TRRAP: variants seen among roughly 807,000 people sequenced by gnomAD.
TRRAP encodes transformation/transcription domain associated protein.
In TRRAP, 41 loss-of-function variants were observed where a neutral mutation model predicts 438.8. The ratio of observed to expected loss-of-function variants is 0.09; its 90% confidence interval spans 0.07 to 0.12. The LOEUF (loss-of-function observed/expected upper bound fraction) is 0.12. Among genes scored for constraint, TRRAP ranks in the 10% least tolerant of loss-of-function variants. The pLI is 1.00. For synonymous variants in TRRAP, 1,994 were observed against 1,962.9 expected, an observed-to-expected ratio of 1.02 and a Z score of -0.42; for missense variants, 3,122 against 5,055.1, an observed-to-expected ratio of 0.62 and a Z score of 11.60.
In TRRAP at chr7:98,897,679, T is replaced by TTC. The variant is rs201704577; in HGVS notation, c.508-61_508-60insCT. 7.2e-6 allele frequency: 11 copies of TTC among 1,525,488 alleles called. 1 individual carries two copies. Among genetic ancestry groups the TTC allele is most frequent in the Admixed American group, 2.1e-5 (1 of 46,700 alleles). The allele number at this position is 1,525,488 out of a possible 1,614,324, so 94.5% of individuals were successfully genotyped here. On this transcript the variant is annotated intron_variant, in intron 7 of 72. Coordinates refer to ENST00000456197, the MANE Select transcript of TRRAP (RefSeq NM_001375524.1). ...TCTTTTTGTTTTGTTTTGTTTTGTT[T>TTC]TGTTTTTGAATGAATATTGGGTTTG... is the stretch of plus-strand genomic sequence containing the variant.
intron 6 of TRRAP, among the ~76,000 whole-genome samples, chr7:98,894,579 T>A (rs979477403): frequency 2.6e-5 from 4 of 151,384 alleles, no homozygotes; most frequent in Non-Finnish European, 4.4e-5. Context: ...CAGGATTTTA[T>A]GTCTTGGTGA....
chr7:98,921,652 A>G (rs1789802921), intron 20 of TRRAP, 101 bp from the exon 21 acceptor site: 15 of 1,492,322 alleles, frequency 1.0e-5, no homozygotes, highest in Non-Finnish European at 1.4e-5. Flanking sequence ...CTGGGATTAC[A>G]GGCATGAGCC....
intron 6 of TRRAP, 144 bp from the exon 7 acceptor site, chr7:98,895,620 G>A: frequency 1.9e-6 from 1 of 532,426 alleles, no homozygotes; most frequent in South Asian, 3.7e-5. Flanking sequence ...TACATCCATT[G>A]CCTATTTGTA....
rs1425607887 is a variant in TRRAP at position 98,910,206 on chromosome 7, G to T, written c.1501G>T (p.Ala501Ser). 2.5e-6 allele frequency: 4 copies of T among 1,573,198 alleles called. No individual in the cohort carries two copies. The highest frequency in any genetic ancestry group is 1.4e-5 in the African/African-American group (1 of 72,716). ...AGCTCCTGGCCCTGCTCCCTCCCCA[G>T]CCCCTGTCCCTGCCCCACCTCCACC... Reference protein sequence around the residue: ...PAAPGPAPSPAPVPAPPPPPP... With the variant: ...PAAPGPAPSPSPVPAPPPPPP... Residue 501 changes from alanine to serine, a missense_variant, in exon 15 of 73, where the codon GCC (alanine) becomes TCC (serine). Ala to Ser is a moderately conservative substitution (Grantham distance 99). Around this residue, in one of 24 missense-constraint regions of TRRAP, gnomAD observed 115 missense variants for 124.6 expected, o/e 0.92. Transcript: ENST00000456197.
rs752519925 is a variant in TRRAP at position 98,970,205 on chromosome 7, G to A, written c.7606G>A (p.Asp2536Asn). The A allele has an allele frequency of 1.1e-5, 18 of 1,613,720 alleles. No individual in the cohort carries two copies. Among genetic ancestry groups the A allele is most frequent in the East Asian group, 4.5e-5 (2 of 44,884 alleles). The change falls in exon 52 of 73, where the codon GAT becomes AAT. Residue 2536 changes from aspartate (D) to asparagine (N), a missense_variant. Coordinates refer to ENST00000456197, the MANE Select transcript of TRRAP (RefSeq NM_001375524.1). Reference sequence around the variant, plus strand: ...CATCACCAACGTCATCAACCTGGCCGATAGCCACGACCGTGCCGCCTTCGC... The same window carrying A: ...CATCACCAACGTCATCAACCTGGCCAATAGCCACGACCGTGCCGCCTTCGC... ...PSITNVINLADSHDRAAFAMV... is the reference protein window; with the variant it reads ...PSITNVINLANSHDRAAFAMV...
intron 13 of TRRAP, among the ~76,000 whole-genome samples, chr7:98,907,468 G>C (rs1796831687): frequency 6.6e-6 from 1 of 152,104 alleles, no homozygotes; most frequent in Non-Finnish European, 1.5e-5. Context: ...AAAATGTTTA[G>C]GTTCCTTTGA....
At chr7:99,008,312 G>A (rs929515953) in intron 69 of TRRAP, 65 bp from the exon 70 acceptor site, 43 of 1,527,424 alleles carry the variant, frequency 2.8e-5, no homozygotes, top group East Asian at 1.4e-4. Flanking sequence ...GCACTCTGAC[G>A]GTGGAGCTGA....
chr7:98,890,797 T>TTTC (rs1795931670), intron 4 of TRRAP, among the ~76,000 whole-genome samples: 1 of 129,718 alleles, frequency 7.7e-6, no homozygotes, highest in Non-Finnish European at 1.5e-5. Flanking sequence ...TTTTTTTTTT[T>TTTC]TTTTTTTTAA....
rs782202646 is a variant in TRRAP at position 98,892,477 on chromosome 7, T to A, written c.315T>A (p.His105Gln). The change falls in exon 5 of 73, where the codon CAT becomes CAA. Residue 105 changes from histidine to glutamine, a missense_variant. By Grantham distance (24) the His-to-Gln change is conservative. This residue lies in a region of TRRAP where 343 missense variants were observed against 564.0 expected (regional missense o/e 0.61). Coordinates refer to ENST00000456197, the MANE Select transcript of TRRAP (RefSeq NM_001375524.1). ...TTCATAGAATACCAACCAACGAACA[T>A]CTTCGTCCTCACACAAAAAATGTTT... ...EIIHRIPTNE[H>Q]LRPHTKNVLS... The A allele has an allele frequency of 6.2e-7, 1 of 1,612,238 alleles. No homozygotes were observed. The highest frequency in any genetic ancestry group is 8.5e-7 in the Non-Finnish European group (1 of 1,179,692).
At chr7:99,007,530 G>C (rs1404802557) in intron 69 of TRRAP, among the ~76,000 whole-genome samples, 1 of 150,674 alleles carries the variant, frequency 6.6e-6, no homozygotes, top group African/African-American at 2.4e-5. Context: ...TGTATTTTTA[G>C]TAGAGATGGG....
intron 37 of TRRAP, 105 bp from the exon 38 acceptor site, chr7:98,949,959 G>A (rs751854987): frequency 5.7e-6 from 9 of 1,570,290 alleles, no homozygotes; most frequent in Non-Finnish European, 7.8e-6. Flanking sequence ...CAGATTGGTT[G>A]TGGAGAATGG....
At chr7:98,992,912 G>T (rs1434189767) in intron 65 of TRRAP, among the ~76,000 whole-genome samples, 2 of 152,136 alleles carry the variant, frequency 1.3e-5, no homozygotes, top group Non-Finnish European at 2.9e-5. Context: ...TGCCTAGGTG[G>T]CTTCATGTCT....
chr7:98,889,283 G>A (rs1458518891), intron 3 of TRRAP, among the ~76,000 whole-genome samples: 1 of 151,820 alleles, frequency 6.6e-6, no homozygotes, highest in Non-Finnish European at 1.5e-5. Flanking sequence ...AAGACTAAAA[G>A]GTACACAGCA....
rs1554419839 is a variant in TRRAP, at chr7:98,956,497, G to A, written c.6195G>A (p.Val2065=). The A allele has an allele frequency of 5.0e-6, 8 of 1,614,184 alleles. No individual in the cohort carries two copies. Among genetic ancestry groups the A allele is most frequent in the Non-Finnish European group, 6.8e-6 (8 of 1,180,028 alleles). The change falls in exon 43 of 73, where the codon GTG becomes GTA. Residue 2065 remains valine, a synonymous_variant. Coordinates refer to ENST00000456197, the MANE Select transcript of TRRAP (RefSeq NM_001375524.1). The surrounding 1 kb of genome is among the most constrained non-coding windows in gnomAD (Gnocchi z 4.5). ...RGLSVDSAQE[V]KRFRTATGAI... Reference sequence around the variant, plus strand: ...TGTCCGTGGATTCTGCCCAGGAAGTGAAACGCTTTAGGACGGCCACCGGAG... The same window carrying A: ...TGTCCGTGGATTCTGCCCAGGAAGTAAAACGCTTTAGGACGGCCACCGGAG...
In TRRAP at chr7:98,970,220, G is replaced by A; in HGVS notation, c.7621G>A (p.Ala2541Thr). 6.2e-7 allele frequency: 1 copy of A among 1,613,678 alleles called. No individual in the cohort carries two copies. The stretch of plus-strand genomic sequence containing the variant: ...CAACCTGGCCGATAGCCACGACCGT[G>A]CCGCCTTCGCCATGGTCACACATGT... ...VINLADSHDR[A>T]AFAMVTHVKQ... The change falls in exon 52 of 73, where the codon GCC becomes ACC. Residue 2541 changes from alanine (A) to threonine (T), a missense_variant. Around this residue, in one of 24 missense-constraint regions of TRRAP, gnomAD observed 992 missense variants for 1,281.2 expected, o/e 0.77. Coordinates refer to ENST00000456197, the MANE Select transcript of TRRAP (RefSeq NM_001375524.1).
intron 70 of TRRAP, among the ~76,000 whole-genome samples, chr7:99,010,598 T>G (rs1357507819): frequency 7.0e-6 from 1 of 143,082 alleles, no homozygotes; most frequent in African/African-American, 2.5e-5. Context: ...TAGTACAGAG[T>G]TCAGTCTCTC....
chr7:98,890,037 A>G (rs782446093), intron 3 of TRRAP, among the ~76,000 whole-genome samples: 3 of 152,174 alleles, frequency 2.0e-5, no homozygotes, highest in Non-Finnish European at 4.4e-5. Context: ...AACTTCATAG[A>G]GGTTTCATAC....
chr7:98,975,347 C>T (rs1792608380), intron 53 of TRRAP, among the ~76,000 whole-genome samples: 1 of 152,228 alleles, frequency 6.6e-6, no homozygotes, highest in African/African-American at 2.4e-5. Flanking sequence ...GCCAGGGCAG[C>T]AGGGACAGTG....
intron 12 of TRRAP, 146 bp from the exon 13 acceptor site, chr7:98,906,031 T>C: frequency 1.7e-6 from 1 of 584,656 alleles, no homozygotes; most frequent in South Asian, 2.3e-5. Context: ...ATAGCACTTG[T>C]GCCTTTCTGG....
Sources: allele counts gnomAD v4.1 joint callset (sites outside exome capture counted in the v4.1 genomes callset), GRCh38; gene constraint gnomAD v4.1.1; regional missense constraint gnomAD v4.1.1; non-coding constraint Gnocchi (gnomAD v3.1); transcripts MANE v1.5; gene names NCBI Gene and HGNC (gene_info 2026-07-23, HGNC 2026-07-21).